The following FER1L6 variants were observed in gnomAD, a reference collection of about 807,000 sequenced individuals.
FER1L6 encodes the protein fer-1 like family member 6, also known as fer-1-like protein 6.
FER1L6 carries 177 observed loss-of-function variants against 219.2 expected under a neutral mutation model. That is an observed-to-expected ratio of 0.81 (90% CI 0.71 to 0.91). The LOEUF (loss-of-function observed/expected upper bound fraction) is 0.91. Among genes scored for constraint, FER1L6 ranks in the 40% least tolerant of loss-of-function variants. The pLI, the probability that FER1L6 is intolerant of heterozygous loss-of-function variation, is 0.00. For missense variants in FER1L6, 2,153 were observed against 2,259.9 expected, an observed-to-expected ratio of 0.95 and a Z score of 0.96; for synonymous variants, 768 against 824.3, an observed-to-expected ratio of 0.93 and a Z score of 1.17.
At chr8:124,021,421 A>T in intron 16 of FER1L6, 129 bp from the exon 17 acceptor site, 1 of 1,213,340 alleles carries the variant, frequency 8.2e-7, no homozygotes, top group East Asian at 2.4e-5. Flanking sequence ...ACGGTGGCAG[A>T]CCCTGGAACA....
Position 123,868,993 on chromosome 8 carries a change from G to C in FER1L6, c.-8+16808G>C, listed in dbSNP as rs956578479. On this transcript the variant is annotated intron_variant, in intron 1 of 40. Coordinates refer to ENST00000522917, the MANE Select transcript of FER1L6 (RefSeq NM_001039112.2). ...CAGGTTAGTCTGAGTTATGCATCTGGATCTAATTTGGGGCTGAATTTAGAT... is the reference window on the plus strand; with the variant it reads ...CAGGTTAGTCTGAGTTATGCATCTGCATCTAATTTGGGGCTGAATTTAGAT... Among the ~76,000 whole-genome samples the C allele has an allele frequency of 2.6e-5, 4 of 152,042 alleles. No individual in the cohort carries two copies. In the East Asian group the frequency reaches 7.7e-4, roughly 29 times the overall value.
At chr8:124,113,400 T>C (rs1014222972) in intron 39 of FER1L6, among the ~76,000 whole-genome samples, 1 of 152,226 alleles carries the variant, frequency 6.6e-6, no homozygotes, top group Admixed American at 6.5e-5. Context: ...AGACATTCTG[T>C]CACTCTACCC....
rs548195254 is a variant in FER1L6 at position 123,970,451 on chromosome 8, G to T, written c.447+354G>T. Among the ~76,000 whole-genome samples, 4 of 151,832 alleles carry T rather than the reference G, an allele frequency of 2.6e-5. No homozygotes were observed. The South Asian group carries it at 8.4e-4, about 32-fold the overall frequency. ...TTTTTTTTAAATCAGGCAAATGTAGGTGTTTCTTTCTTGGGCTGGTATCTA... is the reference window on the plus strand; with the variant it reads ...TTTTTTTTAAATCAGGCAAATGTAGTTGTTTCTTTCTTGGGCTGGTATCTA... On this transcript the variant is annotated intron_variant, in intron 6 of 40. Coordinates refer to ENST00000522917, the MANE Select transcript of FER1L6 (RefSeq NM_001039112.2).
intron 18 of FER1L6, among the ~76,000 whole-genome samples, chr8:124,034,692 G>C (rs1165130229): frequency 6.6e-6 from 1 of 152,206 alleles, no homozygotes; most frequent in East Asian, 1.9e-4. Context: ...TGGCAGGCCA[G>C]GTAGATTCTT....
chr8:123,971,032 G>T (rs1369072134), intron 6 of FER1L6, among the ~76,000 whole-genome samples: 2 of 152,186 alleles, frequency 1.3e-5, no homozygotes, highest in African/African-American at 4.8e-5. Flanking sequence ...ATGTGTCAGT[G>T]TAGGAAGTCT....
chr8:124,065,770 T>C (rs1820805624), intron 26 of FER1L6, among the ~76,000 whole-genome samples: 1 of 152,174 alleles, frequency 6.6e-6, no homozygotes, highest in South Asian at 2.1e-4. Flanking sequence ...GGCGAGTGAA[T>C]GGAAGATGAA....
chr8:124,021,412 C>T (rs918850443), intron 16 of FER1L6, 138 bp from the exon 17 acceptor site: 72 of 1,086,574 alleles, frequency 6.6e-5, no homozygotes, highest in Non-Finnish European at 8.4e-5. Context: ...GCAGCATGCA[C>T]GGTGGCAGAC....
chr8:123,899,033 G>A (rs1217917605), intron 1 of FER1L6, among the ~76,000 whole-genome samples: 1 of 151,926 alleles, frequency 6.6e-6, no homozygotes, highest in Non-Finnish European at 1.5e-5. Context: ...TATTGGGATT[G>A]CTGGATCAAA....
chr8:123,949,027 G>A (rs916207301), intron 1 of FER1L6, among the ~76,000 whole-genome samples: 2 of 152,204 alleles, frequency 1.3e-5, no homozygotes, highest in African/African-American at 4.8e-5. Flanking sequence ...AGGAGGGAAT[G>A]CATGGGAGAG....
chr8:123,922,560 C>G (rs1290412091), intron 1 of FER1L6, among the ~76,000 whole-genome samples: 1 of 152,102 alleles, frequency 6.6e-6, no homozygotes, highest in Non-Finnish European at 1.5e-5. Flanking sequence ...GCCAGGGACT[C>G]AGAGACCATT....
At chr8:123,876,851 A>G (rs1817012707) in intron 1 of FER1L6, among the ~76,000 whole-genome samples, 1 of 152,204 alleles carries the variant, frequency 6.6e-6, no homozygotes, top group Non-Finnish European at 1.5e-5. Flanking sequence ...AGAACTGAGA[A>G]TGGTCCCTGT....
intron 16 of FER1L6, among the ~76,000 whole-genome samples, chr8:124,020,396 G>A (rs923666850): frequency 6.6e-6 from 1 of 152,206 alleles, no homozygotes; most frequent in African/African-American, 2.4e-5. Flanking sequence ...GTGTGCCTGA[G>A]GCACAGTGAG....
intron 12 of FER1L6, among the ~76,000 whole-genome samples, chr8:123,993,199 T>G (rs542198499): frequency 1.6e-4 from 25 of 152,114 alleles, no homozygotes; most frequent in African/African-American, 4.8e-4. Context: ...TCCCAGCACT[T>G]TGGGAGGCCG....
intron 6 of FER1L6, among the ~76,000 whole-genome samples, chr8:123,972,251 G>A (rs1490118060): frequency 1.3e-5 from 2 of 152,228 alleles, no homozygotes; most frequent in Non-Finnish European, 2.9e-5. Flanking sequence ...CATTTCTTGA[G>A]GTCAACTGAA....
At chr8:124,091,824 A>G (rs1463171482) in intron 34 of FER1L6, among the ~76,000 whole-genome samples, 1 of 152,126 alleles carries the variant, frequency 6.6e-6, no homozygotes, top group Admixed American at 6.5e-5. Flanking sequence ...AAAAGTAGCC[A>G]TGCGTGGTGG....
intron 1 of FER1L6, among the ~76,000 whole-genome samples, chr8:123,934,167 G>T (rs1203077890): frequency 2.0e-5 from 3 of 152,150 alleles, no homozygotes; most frequent in African/African-American, 7.2e-5. Flanking sequence ...CTGCTGGAGT[G>T]CAGTGGCGCC....
chr8:123,969,244 C>T (rs1186732736), intron 5 of FER1L6, among the ~76,000 whole-genome samples: 1 of 152,092 alleles, frequency 6.6e-6, no homozygotes, highest in Non-Finnish European at 1.5e-5. Context: ...TTCTCCAACT[C>T]CAAAATTCAA....
rs1251701955 is a variant in FER1L6, at chr8:124,101,116, G to C, written c.4903G>C (p.Asp1635His). 6.2e-7 allele frequency: 1 copy of C among 1,613,466 alleles called. No homozygotes were observed. Among genetic ancestry groups the C allele is most frequent in the Admixed American group, 1.7e-5 (1 of 59,978 alleles). ...TTTTAGGTGGTTAAAGGGCTTGGAG[G>C]ATGACAAGCAGGAGACAGATGTGCA... The part of the protein sequence containing the change: ...YVKGWLKGLE[D>H]DKQETDVHYN... The change falls in exon 38 of 41, where the codon GAT becomes CAT. Residue 1635 changes from aspartate (D) to histidine (H), a missense_variant. By Grantham distance (81) the Asp-to-His change is moderately conservative. Coordinates refer to ENST00000522917, the MANE Select transcript of FER1L6 (RefSeq NM_001039112.2).
Position 124,119,941 on chromosome 8 carries a change from T to C in FER1L6, c.*151T>C, listed in dbSNP as rs1402840051. On this transcript the variant is annotated 3_prime_UTR_variant, in exon 41 of 41. Coordinates refer to ENST00000522917, the MANE Select transcript of FER1L6 (RefSeq NM_001039112.2). Reference sequence around the variant, plus strand: ...GAAGAGATGGAAAAGAAACATTTCCTCCCTGCTCCAACCCCTGCCTCCAAG... The same window carrying C: ...GAAGAGATGGAAAAGAAACATTTCCCCCCTGCTCCAACCCCTGCCTCCAAG... 2 of 769,954 alleles carry C rather than the reference T, an allele frequency of 2.6e-6. No individual in the cohort carries two copies. The highest frequency in any genetic ancestry group is 5.4e-5 in the East Asian group (2 of 37,024). 47.7% of individuals were successfully genotyped at this position (769,954 alleles called of 1,614,324 possible). A position where few individuals can be genotyped will look rare whatever the true frequency, so the allele number is the denominator to read the frequency against.
Sources: gnomAD v4.1 joint callset for allele counts (sites outside exome capture counted in the v4.1 genomes callset) on GRCh38, gnomAD v4.1.1 for gene constraint, MANE v1.5 for transcripts, NCBI Gene and HGNC (gene_info 2026-07-23, HGNC 2026-07-21) for gene names.